PSMB7: variants seen among roughly 807,000 people sequenced by gnomAD.
The protein encoded by PSMB7 is proteasome 20S subunit beta 7, also known as proteasome subunit beta type-7.
In PSMB7, 5 loss-of-function variants were observed where a neutral mutation model predicts 28.1. The observed-to-expected ratio is 0.18, with a 90% CI of 0.09 to 0.37. The LOEUF is 0.37. Among genes scored for constraint, PSMB7 ranks in the 10% least tolerant of loss-of-function variants. The pLI, the probability that PSMB7 is intolerant of heterozygous loss-of-function variation, is 1.00. For synonymous variants in PSMB7, 122 were observed against 123.7 expected, an observed-to-expected ratio of 0.99 and a Z score of 0.09; for missense variants, 275 against 346.2, an observed-to-expected ratio of 0.79 and a Z score of 1.63.
At chr9:124,405,535 T>C (rs1199460898) in intron 4 of PSMB7, 103 bp from the exon 5 acceptor site, 3 of 717,910 alleles carry the variant, frequency 4.2e-6, no homozygotes, top group Non-Finnish European at 7.3e-6. Flanking sequence ...AAAGTTTTCC[T>C]TAAGACTGTT....
At chr9:124,359,146 GTTA>G in intron 6 of PSMB7, among the ~76,000 whole-genome samples, 1 of 152,304 alleles carries the variant, frequency 6.6e-6, no homozygotes, top group East Asian at 1.9e-4. Context: ...CATGTATGCT[GTTA>G]TTTAAGTATG....
intron 6 of PSMB7, among the ~76,000 whole-genome samples, chr9:124,377,647 C>T (rs1232415690): frequency 6.6e-6 from 1 of 152,222 alleles, no homozygotes; most frequent in Non-Finnish European, 1.5e-5. Flanking sequence ...TGTGAGGTAA[C>T]CACAAGCCTT....
intron 6 of PSMB7, among the ~76,000 whole-genome samples, chr9:124,369,708 C>G (rs1400501473): frequency 1.3e-5 from 2 of 152,154 alleles, no homozygotes; most frequent in African/African-American, 4.8e-5. Context: ...AGCAGGGGCC[C>G]CCGTGCCTCT....
intron 5 of PSMB7, among the ~76,000 whole-genome samples, chr9:124,393,112 T>C (rs1157540746): frequency 1.3e-5 from 2 of 152,204 alleles, no homozygotes; most frequent in Admixed American, 6.5e-5. Flanking sequence ...GTGCTTGCTC[T>C]GGAGGCCAAC....
Position 124,353,554 on chromosome 9 carries a change from C to T in PSMB7, c.*44G>A, listed in dbSNP as rs771621356. The T allele has an allele frequency of 2.9e-6, 4 of 1,391,804 alleles. No homozygotes were observed. In the East Asian group the frequency reaches 9.1e-5, roughly 32 times the overall value. 86.2% of individuals were successfully genotyped at this position (1,391,804 alleles called of 1,614,324 possible). The stretch of plus-strand genomic sequence containing the variant: ...ATGAGTGTCTTACTGGGCCTCAATG[C>T]TCACCACCTTCCAGAACCGCGGCCA... On this transcript the variant is annotated 3_prime_UTR_variant, in exon 8 of 8. Transcript: ENST00000259457.
chr9:124,356,679 G>A lies in PSMB7; in HGVS notation c.722+85C>T. On this transcript the variant is annotated intron_variant, in intron 7 of 7. Transcript: ENST00000259457. This position sits in a 1 kb window ranked among gnomAD's most constrained non-coding sequence, Gnocchi z 4.4. ...ATGTACTTAATGTGGAAAGAACCAGGAAAACTCCATCCAGATGCCATGGAG... is the reference window on the plus strand; with the variant it reads ...ATGTACTTAATGTGGAAAGAACCAGAAAAACTCCATCCAGATGCCATGGAG... 6.9e-7 allele frequency: 1 copy of A among 1,449,160 alleles called. No homozygotes were observed. The allele number at this position is 1,449,160 out of a possible 1,614,324, so 89.8% of individuals were successfully genotyped here.
At chr9:124,353,966 C>T (rs1830367324) in intron 7 of PSMB7, among the ~76,000 whole-genome samples, 1 of 152,166 alleles carries the variant, frequency 6.6e-6, no homozygotes, top group Non-Finnish European at 1.5e-5. Context: ...TGACTCTCCC[C>T]CCACCCCACC....
chr9:124,402,306 G>C (rs540723673), intron 5 of PSMB7, among the ~76,000 whole-genome samples: 22 of 152,292 alleles, frequency 1.4e-4, no homozygotes, highest in South Asian at 1.0e-3. Flanking sequence ...AAAATGGGCA[G>C]ACACAAAGCT....
intron 6 of PSMB7, among the ~76,000 whole-genome samples, chr9:124,369,707 C>T (rs1327146394): frequency 6.6e-6 from 1 of 152,134 alleles, no homozygotes; most frequent in East Asian, 1.9e-4. Context: ...GAGCAGGGGC[C>T]CCCGTGCCTC....
At chr9:124,387,092 A>C (rs538869610) in intron 5 of PSMB7, among the ~76,000 whole-genome samples, 2 of 152,214 alleles carry the variant, frequency 1.3e-5, no homozygotes, top group East Asian at 3.9e-4. Context: ...TAAAAATACA[A>C]AACATTAGCC....
intron 7 of PSMB7, among the ~76,000 whole-genome samples, chr9:124,354,798 G>A (rs1362381864): frequency 2.0e-5 from 3 of 152,232 alleles, no homozygotes; most frequent in Admixed American, 6.5e-5. Context: ...TAGAGCCAAA[G>A]TCCCACGTGG....
intron 1 of PSMB7, 170 bp from the exon 2 acceptor site, chr9:124,415,105 A>G (rs1156380184): frequency 1.6e-6 from 1 of 628,976 alleles, no homozygotes; most frequent in East Asian, 2.8e-5. Context: ...CAACGAAGAC[A>G]GTCTTACAAA....
intron 6 of PSMB7, among the ~76,000 whole-genome samples, chr9:124,373,613 A>T (rs1830582704): frequency 6.6e-6 from 1 of 152,194 alleles, no homozygotes. Context: ...TGTCCCATCT[A>T]AACGTTTCCA....
At chr9:124,366,273 C>T (rs1404569257) in intron 6 of PSMB7, among the ~76,000 whole-genome samples, 1 of 151,990 alleles carries the variant, frequency 6.6e-6, no homozygotes, top group Non-Finnish European at 1.5e-5. Context: ...ATTAGCTGGG[C>T]GTGGTGATGC....
chr9:124,356,618 G>C lies in PSMB7; in HGVS notation c.722+146C>G, dbSNP rs1156377677. The C allele has an allele frequency of 3.3e-6, 3 of 905,486 alleles. No homozygotes were observed. The highest frequency in any genetic ancestry group is 4.9e-6 in the Non-Finnish European group (3 of 610,070). 56.1% of individuals were successfully genotyped at this position (905,486 alleles called of 1,614,324 possible). On this transcript the variant is annotated intron_variant, in intron 7 of 7. Coordinates refer to ENST00000259457, the MANE Select transcript of PSMB7 (RefSeq NM_002799.4). This position sits in a 1 kb window ranked among gnomAD's most constrained non-coding sequence, Gnocchi z 4.4. ...ACTGTCATAAAGCAAGTAACAAGCC[G>C]AAGGTCTGTGTGGGAGGTTGATTTG...
rs1674823440 is a variant in PSMB7, at chr9:124,356,099, C to T, written c.722+665G>A. On this transcript the variant is annotated intron_variant, in intron 7 of 7. Transcript: ENST00000259457. The surrounding 1 kb of genome is among the most constrained non-coding windows in gnomAD (Gnocchi z 4.4). ...CCGGGCTCCCAGAAGAGGTCAGGAG[C>T]CACAGGATGGTCAAGCAGCCGGACA... is the stretch of plus-strand genomic sequence containing the variant. Among the ~76,000 whole-genome samples, 1 of 152,138 alleles carries T rather than the reference C, an allele frequency of 6.6e-6. No homozygotes were observed. Among genetic ancestry groups the T allele is most frequent in the African/African-American group, 2.4e-5 (1 of 41,416 alleles).
chr9:124,384,692 G>A, intron 5 of PSMB7, 36 bp from the exon 6 acceptor site: 1 of 1,599,916 alleles, frequency 6.3e-7, no homozygotes, highest in African/African-American at 1.3e-5. Context: ...TGTATTTTAT[G>A]ATATCCCAGC....
chr9:124,363,760 C>T (rs867743010), intron 6 of PSMB7, among the ~76,000 whole-genome samples: 5 of 151,944 alleles, frequency 3.3e-5, no homozygotes, highest in African/African-American at 7.3e-5. Context: ...ACTTGCTGTG[C>T]GTGCAGGAGT....
In PSMB7 at chr9:124,406,003, GACA is replaced by G. The variant is rs372214883; in HGVS notation, c.396-574_396-572del. Among the ~76,000 whole-genome samples the G allele has an allele frequency of 2.2e-3, 328 of 152,088 alleles. 1 individual carries two copies. The highest frequency in any genetic ancestry group is 7.6e-3 in the African/African-American group (315 of 41,496). ...ACCCAGCCCACAGTCCCCTTTAAAA[GACA>G]ACATTATCATTCCCATTTTAGAAAA... On this transcript the variant is annotated intron_variant, in intron 4 of 7. Transcript: ENST00000259457.
Sources: allele counts gnomAD v4.1 joint callset (sites outside exome capture counted in the v4.1 genomes callset), GRCh38; gene constraint gnomAD v4.1.1; non-coding constraint Gnocchi (gnomAD v3.1); transcripts MANE v1.5; gene names NCBI Gene and HGNC (gene_info 2026-07-23, HGNC 2026-07-21).